Variants in BTNL3 observed in about 807,000 individuals in gnomAD.
BTNL3 encodes butyrophilin like 3.
A neutral mutation model predicts 40.1 loss-of-function variants in BTNL3; 20 were observed. The ratio of observed to expected loss-of-function variants is 0.50; its 90% CI spans 0.35 to 0.72. The LOEUF (loss-of-function observed/expected upper bound fraction) is 0.72, where lower values mean the gene tolerates loss of function less well. Among genes scored for constraint, BTNL3 ranks in the 30% least tolerant of loss-of-function variants. BTNL3 has a pLI of 0.01. For synonymous variants in BTNL3, 179 were observed against 222.1 expected (o/e 0.81, Z 1.73); for missense variants, 449 against 582.2 (o/e 0.77, Z 2.35).
rs1449895195 is a variant in BTNL3, at chr5:181,000,229, A to G, written c.674-2443A>G. On this transcript the variant is annotated intron_variant, in intron 3 of 7. Transcript: ENST00000342868. ...AAATGTTAGGTCAACATGGGAACAT[A>G]TATTAATGTAATTATAACATAATTC... Among the ~76,000 whole-genome samples, 2 of 137,362 alleles carry G rather than the reference A, an allele frequency of 1.5e-5. 1 individual carries two copies. The highest frequency in any genetic ancestry group is 5.0e-5 in the African/African-American group (2 of 39,938). The allele number at this position is 137,362 out of a possible 152,430, so 90.1% of individuals were successfully genotyped here. A position where few individuals can be genotyped will look rare whatever the true frequency, so the allele number is the denominator to read the frequency against.
chr5:180,990,024 G>C (rs1413804457), intron 1 of BTNL3, among the ~76,000 whole-genome samples: 1 of 136,188 alleles, frequency 7.3e-6, no homozygotes, highest in East Asian at 2.2e-4. Context: ...GCCGGGCATG[G>C]TGGTGAGCGC....
intron 5 of BTNL3, 31 bp from the exon 6 acceptor site, chr5:181,004,386 C>T: frequency 9.6e-7 from 1 of 1,037,548 alleles, no homozygotes; most frequent in Non-Finnish European, 1.4e-6. Flanking sequence ...CAGCCTCTTA[C>T]ATGTTTTTTG....
intron 2 of BTNL3, among the ~76,000 whole-genome samples, chr5:180,994,609 A>C (rs1298295463): frequency 7.4e-6 from 1 of 135,782 alleles, no homozygotes; most frequent in African/African-American, 2.5e-5. Context: ...ATTTCTTTAA[A>C]TACTCTTTCA....
In BTNL3 at chr5:181,005,384, G is replaced by T; in HGVS notation, c.913G>T (p.Asp305Tyr). ...GGCTCACCCGAAGCTCTGCGTTTCT[G>T]ATCTGAAAACTGTAACCCATAGAAA... ...ETAHPKLCVS[D>Y]LKTVTHRKAP... Residue 305 changes from aspartate to tyrosine, a missense_variant, in exon 8 of 8, where the codon GAT becomes TAT. Around this residue, in one of 2 missense-constraint regions of BTNL3, gnomAD observed 323 missense variants for 464.9 expected, o/e 0.69. Transcript: ENST00000342868. 6.2e-7 allele frequency: 1 copy of T among 1,613,622 alleles called. No homozygotes were observed. The highest frequency in any genetic ancestry group is 8.5e-7 in the Non-Finnish European group (1 of 1,179,856).
chr5:181,003,229 G>C (rs181645015), intron 4 of BTNL3, among the ~76,000 whole-genome samples: 1 of 134,122 alleles, frequency 7.5e-6, no homozygotes, highest in East Asian at 2.2e-4. Context: ...ATAATTAGCT[G>C]GGTGTGGTGG....
chr5:181,004,672 C>G, intron 6 of BTNL3, 64 bp from the exon 7 acceptor site: 1 of 1,613,790 alleles, frequency 6.2e-7, no homozygotes, highest in East Asian at 2.2e-5. Flanking sequence ...TGGTCTTTCC[C>G]TTCTCCCTGC....
chr5:180,998,860 C>T (rs1217496919), intron 3 of BTNL3, among the ~76,000 whole-genome samples: 2 of 137,904 alleles, frequency 1.5e-5, no homozygotes, highest in African/African-American at 5.0e-5. Context: ...GGCGCAGTGG[C>T]TCACGCCTGT....
chr5:181,002,719 G>C lies in BTNL3; in HGVS notation c.721G>C (p.Gly241Arg). The C allele has an allele frequency of 1.4e-6, 2 of 1,455,888 alleles. No individual in the cohort carries two copies. The highest frequency in any genetic ancestry group is 1.9e-6 in the Non-Finnish European group (2 of 1,055,370). The allele number at this position is 1,455,888 out of a possible 1,614,324, so 90.2% of individuals were successfully genotyped here. A position where few individuals can be genotyped will look rare whatever the true frequency, so the allele number is the denominator to read the frequency against. ...TTGGCGCCTGGCTTCTATTTTACTC[G>C]GGTTACTCTGTGGTGCCCTGTGTGG... ...SPWRLASILL[G>R]LLCGALCGVV... The change falls in exon 4 of 8, where the codon GGG becomes CGG. Residue 241 changes from glycine to arginine, a missense_variant. By Grantham distance (125) the Gly-to-Arg change is moderately radical (BLOSUM62 -2). This residue lies in a region of BTNL3 where 323 missense variants were observed against 464.9 expected (regional missense o/e 0.69). Transcript: ENST00000342868.
intron 2 of BTNL3, among the ~76,000 whole-genome samples, chr5:180,994,529 T>C (rs1760010317): frequency 7.3e-6 from 1 of 136,304 alleles, no homozygotes; most frequent in Non-Finnish European, 1.7e-5. Flanking sequence ...ATTTCTCCTA[T>C]TTGGTGTGCT....
In BTNL3 at chr5:180,993,216, C is replaced by T. The variant is rs540088486; in HGVS notation, c.397+56C>T. ...TGTAAAGTCATGCTACCATTATCAGCTCTTAAAAGTATTTCAGATAATGAA... is the reference window on the plus strand; with the variant it reads ...TGTAAAGTCATGCTACCATTATCAGTTCTTAAAAGTATTTCAGATAATGAA... On this transcript the variant is annotated intron_variant, in intron 2 of 7. Coordinates refer to ENST00000342868, the MANE Select transcript of BTNL3 (RefSeq NM_197975.3). The T allele has an allele frequency of 2.9e-6, 4 of 1,382,874 alleles. No individual in the cohort carries two copies. In the African/African-American group the frequency reaches 4.3e-5, roughly 15 times the overall value. The allele number at this position is 1,382,874 out of a possible 1,614,324, so 85.7% of individuals were successfully genotyped here. A position where few individuals can be genotyped will look rare whatever the true frequency, so the allele number is the denominator to read the frequency against.
chr5:180,999,515 A>G (rs1760077325), intron 3 of BTNL3, among the ~76,000 whole-genome samples: 1 of 136,678 alleles, frequency 7.3e-6, no homozygotes, highest in Non-Finnish European at 1.7e-5. Flanking sequence ...AATGTAAAAT[A>G]CAGGACAGGC....
chr5:181,001,931 C>T lies in BTNL3; in HGVS notation c.674-741C>T, dbSNP rs978596031. On this transcript the variant is annotated intron_variant, in intron 3 of 7. Coordinates refer to ENST00000342868, the MANE Select transcript of BTNL3 (RefSeq NM_197975.3). ...CCTTTAAAAAAAAAAAGAAATCCTC[C>T]CACTTTGGCCTCCCAAACTGCTGGG... Among the ~76,000 whole-genome samples the T allele has an allele frequency of 7.4e-5, 10 of 134,328 alleles. 3 individuals are homozygous for T. Among genetic ancestry groups the T allele is most frequent in the Non-Finnish European group, 1.5e-4 (9 of 58,938 alleles). The allele number at this position is 134,328 out of a possible 152,430, so 88.1% of individuals were successfully genotyped here. A position where few individuals can be genotyped will look rare whatever the true frequency, so the allele number is the denominator to read the frequency against.
In BTNL3 at chr5:181,000,292, A is replaced by T. The variant is rs1401118415; in HGVS notation, c.674-2380A>T. On this transcript the variant is annotated intron_variant, in intron 3 of 7. Coordinates refer to ENST00000342868, the MANE Select transcript of BTNL3 (RefSeq NM_197975.3). ...AAACTATAATTTTCTTAGTAGATGT[A>T]AATAAAACAGATAACTTTCTACATC... Among the ~76,000 whole-genome samples the T allele has an allele frequency of 1.5e-5, 2 of 137,144 alleles. 1 individual carries two copies. The highest frequency in any genetic ancestry group is 5.0e-5 in the African/African-American group (2 of 39,872). The allele number at this position is 137,144 out of a possible 152,430, so 90.0% of individuals were successfully genotyped here.
chr5:181,004,530 C>T (rs985380294), intron 6 of BTNL3, 87 bp downstream of exon 6: 2 of 938,388 alleles, frequency 2.1e-6, no homozygotes, highest in East Asian at 2.6e-5. Context: ...GCCCGTGGGT[C>T]CCTGCAGAGC....
rs1033928975 is a variant in BTNL3 at position 181,001,023 on chromosome 5, C to A, written c.674-1649C>A. Among the ~76,000 whole-genome samples, 2 of 133,996 alleles carry A rather than the reference C, an allele frequency of 1.5e-5. 1 individual carries two copies. The highest frequency in any genetic ancestry group is 3.4e-5 in the Non-Finnish European group (2 of 58,990). 87.9% of individuals were successfully genotyped at this position (133,996 alleles called of 152,430 possible). The stretch of plus-strand genomic sequence containing the variant: ...TTCACAGTTTATATGATGATATAAA[C>A]GGAAAATTTAGAAAAATTTACAGAC... On this transcript the variant is annotated intron_variant, in intron 3 of 7. Transcript: ENST00000342868.
Position 180,988,932 on chromosome 5 carries a change from C to A in BTNL3, c.-97C>A. ...TCGTTCATGAAGAGCCTCTCCACGG[C>A]TCCTGCGCCTGAGACAGCTGGCCTG... On this transcript the variant is annotated 5_prime_UTR_variant, in exon 1 of 8. Transcript: ENST00000342868. 7.7e-7 allele frequency: 1 copy of A among 1,298,740 alleles called. No individual in the cohort carries two copies. The highest frequency in any genetic ancestry group is 1.1e-6 in the Non-Finnish European group (1 of 941,794). 80.5% of individuals were successfully genotyped at this position (1,298,740 alleles called of 1,614,324 possible). A position where few individuals can be genotyped will look rare whatever the true frequency, so the allele number is the denominator to read the frequency against.
rs1010830503 is a variant in BTNL3 at position 181,005,368 on chromosome 5, G to C, written c.897G>C (p.Pro299=). The C allele has an allele frequency of 2.5e-5, 40 of 1,612,634 alleles. No individual in the cohort carries two copies. Among genetic ancestry groups the C allele is most frequent in the Non-Finnish European group, 3.2e-5 (38 of 1,179,680 alleles). ...EVTLDPETAH[P]KLCVSDLKTV... ...CTCTGGATCCAGAGACGGCTCACCC[G>C]AAGCTCTGCGTTTCTGATCTGAAAA... is the stretch of plus-strand genomic sequence containing the variant. Residue 299 remains proline (P), a synonymous_variant, in exon 8 of 8, where the codon CCG becomes CCC. Transcript: ENST00000342868.
In BTNL3 at chr5:180,996,660, A is replaced by G. The variant is rs1373666234; in HGVS notation, c.398-553A>G. ...GTTAACTTTTCACATTGTGGTTTGTACTTGCCTCTTTTTGTCTAAAATGCT... is the reference window on the plus strand; with the variant it reads ...GTTAACTTTTCACATTGTGGTTTGTGCTTGCCTCTTTTTGTCTAAAATGCT... On this transcript the variant is annotated intron_variant, in intron 2 of 7. Coordinates refer to ENST00000342868, the MANE Select transcript of BTNL3 (RefSeq NM_197975.3). Among the ~76,000 whole-genome samples, 4 of 136,218 alleles carry G rather than the reference A, an allele frequency of 2.9e-5. 1 individual carries two copies. Among genetic ancestry groups the G allele is most frequent in the Non-Finnish European group, 6.7e-5 (4 of 59,610 alleles). The allele number at this position is 136,218 out of a possible 152,430, so 89.4% of individuals were successfully genotyped here.
chr5:181,002,376 G>GTATATATATA lies in BTNL3; in HGVS notation c.674-278_674-269dup, dbSNP rs55873315. 6.1e-5 allele frequency among the ~76,000 whole-genome samples: 5 copies of GTATATATATA among 81,590 alleles called. No individual in the cohort carries two copies. In the East Asian group the frequency reaches 1.1e-3, roughly 19 times the overall value. The allele number at this position is 81,590 out of a possible 152,430, so 53.5% of individuals were successfully genotyped here. On this transcript the variant is annotated intron_variant, in intron 3 of 7. Transcript: ENST00000342868. The stretch of plus-strand genomic sequence containing the variant: ...CACACACACACACACACGTGTGTGT[G>GTATATATATA]TATATATATATATATATATATATAT...
Sources: allele counts gnomAD v4.1 joint callset (sites outside exome capture counted in the v4.1 genomes callset), GRCh38; gene constraint gnomAD v4.1.1; regional missense constraint gnomAD v4.1.1; transcripts MANE v1.5; gene names NCBI Gene and HGNC (gene_info 2026-07-23, HGNC 2026-07-21).